The following MIPOL1 variants were observed in gnomAD, a reference collection of about 807,000 sequenced individuals.
MIPOL1 encodes the protein mirror-image polydactyly gene 1 protein.
In MIPOL1, 57 loss-of-function variants were observed where a neutral mutation model predicts 60.9. The observed-to-expected ratio is 0.94, with a 90% CI of 0.76 to 1.17. MIPOL1 has a LOEUF of 1.17. Ranked by LOEUF, MIPOL1 falls within the 50% of genes most tolerant of loss-of-function variation. The probability of loss-of-function intolerance (pLI) is 0.00; values close to 1 mark genes in which losing one functional copy is unlikely to be tolerated. For synonymous variants in MIPOL1, 179 were observed against 168.8 expected (o/e 1.06, Z -0.47); for missense variants, 551 against 511.6 (o/e 1.08, Z -0.74).
chr14:37,203,958 A>G (rs924310928), intron 1 of MIPOL1, among the ~76,000 whole-genome samples: 1 of 151,854 alleles, frequency 6.6e-6, no homozygotes, highest in Non-Finnish European at 1.5e-5. Flanking sequence ...AATTTTTTAT[A>G]TTTTTAGTAG....
chr14:37,412,074 T>A (rs1463651917), intron 10 of MIPOL1, among the ~76,000 whole-genome samples: 3 of 152,148 alleles, frequency 2.0e-5, no homozygotes, highest in Non-Finnish European at 4.4e-5. Flanking sequence ...TAGAGCTGAT[T>A]CCTGGTAGCC....
chr14:37,435,167 C>T (rs1037779588), intron 11 of MIPOL1, among the ~76,000 whole-genome samples: 8 of 152,132 alleles, frequency 5.3e-5, no homozygotes, highest in African/African-American at 1.9e-4. Context: ...TATACATATA[C>T]TCTGGCCCCT....
chr14:37,327,293 C>CT (rs910367910), intron 9 of MIPOL1, among the ~76,000 whole-genome samples: 236 of 145,156 alleles, frequency 1.6e-3, no homozygotes, highest in African/African-American at 2.9e-3. Flanking sequence ...AATTCAAAGT[C>CT]TTTTTTTTTT....
At chr14:37,412,323 T>A (rs1331046438) in intron 10 of MIPOL1, among the ~76,000 whole-genome samples, 2 of 152,100 alleles carry the variant, frequency 1.3e-5, no homozygotes, top group Non-Finnish European at 2.9e-5. Context: ...TTGACACGTA[T>A]GTATGTAAAT....
intron 12 of MIPOL1, among the ~76,000 whole-genome samples, chr14:37,510,776 T>G (rs2095321935): frequency 6.6e-6 from 1 of 152,088 alleles, no homozygotes; most frequent in Non-Finnish European, 1.5e-5. Flanking sequence ...ACAGGAAAAT[T>G]TCAGATATAC....
chr14:37,413,902 T>C, intron 10 of MIPOL1, among the ~76,000 whole-genome samples: 1 of 152,156 alleles, frequency 6.6e-6, no homozygotes, highest in South Asian at 2.1e-4. Flanking sequence ...GAGTCAAATA[T>C]AAGTTAAAAA....
At chr14:37,332,133 T>G (rs868835410) in intron 9 of MIPOL1, among the ~76,000 whole-genome samples, 2 of 151,246 alleles carry the variant, frequency 1.3e-5, no homozygotes, top group Middle Eastern at 3.2e-3. Context: ...GCGAGACTCC[T>G]CTCAAAAAAA....
intron 7 of MIPOL1, among the ~76,000 whole-genome samples, chr14:37,286,841 A>G (rs889000570): frequency 2.6e-5 from 4 of 152,178 alleles, no homozygotes; most frequent in Non-Finnish European, 5.9e-5. Context: ...ATCTTTATCT[A>G]TAAGGAAATA....
chr14:37,389,068 C>G (rs2093159838), intron 10 of MIPOL1, among the ~76,000 whole-genome samples: 1 of 152,022 alleles, frequency 6.6e-6, no homozygotes, highest in Non-Finnish European at 1.5e-5. Context: ...ATTCATTTAT[C>G]TCTAAAATGA....
At chr14:37,282,431 A>T (rs928960451) in intron 6 of MIPOL1, among the ~76,000 whole-genome samples, 1 of 151,882 alleles carries the variant, frequency 6.6e-6, no homozygotes, top group African/African-American at 2.4e-5. Context: ...TTGCAGATTA[A>T]TATACAGTTA....
intron 10 of MIPOL1, among the ~76,000 whole-genome samples, chr14:37,387,301 A>G (rs949685463): frequency 4.9e-4 from 75 of 151,930 alleles, no homozygotes; most frequent in Non-Finnish European, 9.3e-4. Flanking sequence ...ACTATAATAT[A>G]TTAATAAGGA....
chr14:37,410,954 A>G (rs544330010), intron 10 of MIPOL1, among the ~76,000 whole-genome samples: 11 of 152,268 alleles, frequency 7.2e-5, no homozygotes, highest in African/African-American at 2.4e-4. Flanking sequence ...ATACAACAAG[A>G]TGATAGATTT....
At chr14:37,317,435 G>A (rs965004739) in intron 9 of MIPOL1, among the ~76,000 whole-genome samples, 1 of 152,140 alleles carries the variant, frequency 6.6e-6, no homozygotes, top group African/African-American at 2.4e-5. Flanking sequence ...TTCCAATCTC[G>A]AGTGTGGTGT....
chr14:37,377,510 TG>T (rs1195666081), intron 10 of MIPOL1, among the ~76,000 whole-genome samples: 1 of 152,078 alleles, frequency 6.6e-6, no homozygotes. Flanking sequence ...AGCAACTTTT[TG>T]GGGGGCAAGA....
At chr14:37,544,766 G>C (rs2095541492) in intron 12 of MIPOL1, among the ~76,000 whole-genome samples, 1 of 152,176 alleles carries the variant, frequency 6.6e-6, no homozygotes, top group Non-Finnish European at 1.5e-5. Context: ...ATTCGACCTG[G>C]ATAAATTGAG....
In MIPOL1 at chr14:37,226,410, A is replaced by G. The variant is rs1969744097; in HGVS notation, c.-198-20693A>G. 2.6e-5 allele frequency among the ~76,000 whole-genome samples: 4 copies of G among 152,338 alleles called. No individual in the cohort carries two copies. The South Asian group carries it at 6.2e-4, about 24-fold the overall frequency. ...GATGGAGAGGCCTCACAATCATGGT[A>G]GAAGATGAAAGGCACGTCTCACAAG... On this transcript the variant is annotated intron_variant, in intron 1 of 12. Coordinates refer to ENST00000684589, the MANE Select transcript of MIPOL1 (RefSeq NM_001388067.1).
intron 11 of MIPOL1, among the ~76,000 whole-genome samples, chr14:37,485,468 A>G (rs996228344): frequency 1.3e-5 from 2 of 152,166 alleles, no homozygotes; most frequent in Admixed American, 6.5e-5. Flanking sequence ...AAGCATTCCT[A>G]TTTCTCCACA....
intron 11 of MIPOL1, among the ~76,000 whole-genome samples, chr14:37,473,409 AAC>A (rs2094718751): frequency 6.6e-6 from 1 of 152,026 alleles, no homozygotes. Flanking sequence ...ATTTTATAGC[AAC>A]ACAAAGCAAA....
At chr14:37,450,226 T>C (rs1296275847) in intron 11 of MIPOL1, among the ~76,000 whole-genome samples, 5 of 152,188 alleles carry the variant, frequency 3.3e-5, no homozygotes, top group African/African-American at 1.2e-4. Flanking sequence ...CATCTCCCTG[T>C]TGCTGTCTAG....
Sources: gnomAD v4.1 joint callset for allele counts (sites outside exome capture counted in the v4.1 genomes callset) on GRCh38, gnomAD v4.1.1 for gene constraint, MANE v1.5 for transcripts, NCBI Gene and HGNC (gene_info 2026-07-23, HGNC 2026-07-21) for gene names.